DIP2A: variants seen among roughly 807,000 people sequenced by gnomAD.
The protein encoded by DIP2A is disco-interacting protein 2 homolog A.
In DIP2A, 85 loss-of-function variants were observed where a neutral mutation model predicts 177.4. That is an observed-to-expected ratio of 0.48 (90% CI 0.40 to 0.57). The LOEUF (loss-of-function observed/expected upper bound fraction) is 0.57, where lower values mean the gene tolerates loss of function less well. Ranked by LOEUF, DIP2A falls within the 20% of genes least tolerant of loss-of-function variation. DIP2A has a pLI of 0.00. For missense variants in DIP2A, 1,791 were observed against 2,100.2 expected (o/e 0.85, Z 2.88); for synonymous variants, 886 against 881.8 (o/e 1.00, Z -0.08).
At chr21:46,558,503 C>A in intron 32 of DIP2A, 110 bp downstream of exon 32, 2 of 1,095,170 alleles carry the variant, frequency 1.8e-6, no homozygotes, top group Non-Finnish European at 2.6e-6. Flanking sequence ...ATTTCTCCTT[C>A]TCTGGGCCTT....
At chr21:46,549,237 T>C (rs918691918) in intron 21 of DIP2A, among the ~76,000 whole-genome samples, 2 of 152,110 alleles carry the variant, frequency 1.3e-5, no homozygotes, top group African/African-American at 4.8e-5. Context: ...CATGATGGGT[T>C]TGGTGGGGAG....
chr21:46,497,241 A>G lies in DIP2A; in HGVS notation c.403+134A>G, dbSNP rs2057408301. ...GATTGGACGCATTTGGAGATTAAAA[A>G]TGTTTGCATATGCTCGTATTCCTTA... On this transcript the variant is annotated intron_variant, in intron 4 of 37. Transcript: ENST00000417564. 3 of 1,098,042 alleles carry G rather than the reference A, an allele frequency of 2.7e-6. No homozygotes were observed. The African/African-American group carries it at 4.9e-5, about 18-fold the overall frequency. The allele number at this position is 1,098,042 out of a possible 1,614,324, so 68.0% of individuals were successfully genotyped here. A position where few individuals can be genotyped will look rare whatever the true frequency, so the allele number is the denominator to read the frequency against.
rs17373180 is a variant in DIP2A, at chr21:46,477,224, T to G, written c.92-7533T>G. On this transcript the variant is annotated intron_variant, in intron 1 of 37. Coordinates refer to ENST00000417564, the MANE Select transcript of DIP2A (RefSeq NM_015151.4). ...AGGAAGCACGTGCCCTTTTTCCTAATAGAATATCAAAACTAAAGATTTATA... is the reference window on the plus strand; with the variant it reads ...AGGAAGCACGTGCCCTTTTTCCTAAGAGAATATCAAAACTAAAGATTTATA... 5.9e-3 allele frequency among the ~76,000 whole-genome samples: 893 copies of G among 152,134 alleles called. 3 individuals carry two copies. Among genetic ancestry groups the G allele is most frequent in the Middle Eastern group, 0.01 (3 of 294 alleles).
Position 46,550,582 on chromosome 21 carries a change from G to A in DIP2A, c.2677G>A (p.Ala893Thr). The change falls in exon 23 of 38, where the codon GCC (alanine) becomes ACC (threonine). Residue 893 changes from alanine to threonine, a missense_variant. By Grantham distance (58) the Ala-to-Thr change is moderately conservative (BLOSUM62 0). Transcript: ENST00000417564. ...CCACCAGGTGGGCGTGTACTGTCTG[G>A]CCCTGGTTCCTGCCAACACCTTGCC... ...SIHQVGVYCL[A>T]LVPANTLPKA... 3.1e-6 allele frequency: 5 copies of A among 1,613,634 alleles called. No homozygotes were observed. Among genetic ancestry groups the A allele is most frequent in the Non-Finnish European group, 4.2e-6 (5 of 1,179,788 alleles).
chr21:46,505,379 C>T lies in DIP2A; in HGVS notation c.784+890C>T, dbSNP rs150203920. ...ATCCCAGCACTTTGGGAGGCTGAGG[C>T]GGGCAGATCACTAGGTCAGGAGATC... On this transcript the variant is annotated intron_variant, in intron 6 of 37. Transcript: ENST00000417564. Among the ~76,000 whole-genome samples, 87 of 152,138 alleles carry T rather than the reference C, an allele frequency of 5.7e-4. 1 individual carries two copies. Among genetic ancestry groups the T allele is most frequent in the African/African-American group, 1.2e-3 (50 of 41,500 alleles).
rs772131467 is a variant in DIP2A at position 46,509,392 on chromosome 21, C to G, written c.904+16C>G. 6.3e-7 allele frequency: 1 copy of G among 1,595,810 alleles called. No individual in the cohort carries two copies. Among genetic ancestry groups the G allele is most frequent in the Non-Finnish European group, 8.5e-7 (1 of 1,172,738 alleles). ...TTGTTGGAAGGTAAGAGTTGTCCAA[C>G]TTTGAGCTTTTCTGTTTGTATGAAA... On this transcript the variant is annotated intron_variant, in intron 7 of 37. Transcript: ENST00000417564.
At position 46,556,682 on chromosome 21, in the gene DIP2A, CAAAAAAA is replaced by C. The variant is rs1246910364; in HGVS notation, c.3499-249_3499-243del. ...TGGGCGACAGAGCAAGACTCTGCCT[CAAAAAAA>C]AAAAAAAGAAAAAAATTTTAAAAAT... is the stretch of plus-strand genomic sequence containing the variant. On this transcript the variant is annotated intron_variant, in intron 29 of 37. Coordinates refer to ENST00000417564, the MANE Select transcript of DIP2A (RefSeq NM_015151.4). The surrounding 1 kb of genome is among the most constrained non-coding windows in gnomAD (Gnocchi z 4.5). 4 of 230,940 alleles carry C rather than the reference CAAAAAAA, an allele frequency of 1.7e-5. No individual in the cohort carries two copies. Among genetic ancestry groups the C allele is most frequent in the Non-Finnish European group, 3.0e-5 (4 of 131,904 alleles). 14.3% of individuals were successfully genotyped at this position (230,940 alleles called of 1,614,324 possible).
rs965474957 is a variant in DIP2A at position 46,479,218 on chromosome 21, T to G, written c.92-5539T>G. On this transcript the variant is annotated intron_variant, in intron 1 of 37. Transcript: ENST00000417564. Reference sequence around the variant, plus strand: ...AGCTACTTGGTGATTACTTTTTGACTTCACTTGGCCCTCAGTTCTTCACTT... The same window carrying G: ...AGCTACTTGGTGATTACTTTTTGACGTCACTTGGCCCTCAGTTCTTCACTT... Among the ~76,000 whole-genome samples the G allele has an allele frequency of 3.3e-5, 5 of 152,342 alleles. No homozygotes were observed. The Middle Eastern group carries it at 0.01, about 311-fold the overall frequency.
chr21:46,565,731 C>G lies in DIP2A; in HGVS notation c.4183C>G (p.His1395Asp), dbSNP rs1242474040. Reference protein sequence around the residue: ...HLGEIWVSSPHNATGYYTVYG... With the variant: ...HLGEIWVSSPDNATGYYTVYG... ...CCACCAGATCTGGGTAAGCAGCCCC[C>G]ACAATGCCACCGGGTACTACACCGT... is the stretch of plus-strand genomic sequence containing the variant. The change falls in exon 36 of 38, where the codon CAC (histidine) becomes GAC (aspartate). Residue 1395 changes from histidine (H) to aspartate (D), a missense_variant. Coordinates refer to ENST00000417564, the MANE Select transcript of DIP2A (RefSeq NM_015151.4). 3 of 1,613,126 alleles carry G rather than the reference C, an allele frequency of 1.9e-6. No individual in the cohort carries two copies. The highest frequency in any genetic ancestry group is 1.1e-5 in the South Asian group (1 of 91,022).
Position 46,546,957 on chromosome 21 carries a change from GT to G in DIP2A, c.2438del (p.Val813AlafsTer22). 1 of 1,613,950 alleles carries G rather than the reference GT, an allele frequency of 6.2e-7. No individual in the cohort carries two copies. The highest frequency in any genetic ancestry group is 8.5e-7 in the Non-Finnish European group (1 of 1,179,878). On this transcript the variant is annotated frameshift_variant, in exon 21 of 38. Transcript: ENST00000417564. LOFTEE classifies it high-confidence loss of function. ...FIVGKLDGLM[V>X]TGVRRHNADD... ...CGTGGGCAAACTGGACGGGCTGATG[GT>G]CACTGGAGTTCGCAGACACAATGCA...
chr21:46,492,346 C>G (rs1053618597), intron 3 of DIP2A, among the ~76,000 whole-genome samples: 14 of 152,256 alleles, frequency 9.2e-5, no homozygotes, highest in Admixed American at 9.2e-4. Context: ...TTCTATTGAT[C>G]TATTCGTCTG....
intron 1 of DIP2A, among the ~76,000 whole-genome samples, chr21:46,464,731 A>G (rs2054639387): frequency 6.6e-6 from 1 of 151,494 alleles, no homozygotes; most frequent in Admixed American, 6.6e-5. Context: ...TAACAGCATT[A>G]ATCCACTGAT....
chr21:46,562,789 C>T (rs1045089829), intron 34 of DIP2A, among the ~76,000 whole-genome samples: 21 of 152,130 alleles, frequency 1.4e-4, no homozygotes, highest in African/African-American at 4.6e-4. Context: ...AGAGTGGAGT[C>T]GGGTGAGCTT....
At chr21:46,518,673 A>G (rs2058690119) in intron 8 of DIP2A, among the ~76,000 whole-genome samples, 1 of 152,196 alleles carries the variant, frequency 6.6e-6, no homozygotes, top group African/African-American at 2.4e-5. Context: ...CCTGGCCAAC[A>G]TGGCAAAAGC....
At chr21:46,512,385 G>A (rs1303533722) in intron 8 of DIP2A, among the ~76,000 whole-genome samples, 1 of 152,202 alleles carries the variant, frequency 6.6e-6, no homozygotes, top group Non-Finnish European at 1.5e-5. Flanking sequence ...TCCAAAGGCA[G>A]TGCAGCAGTT....
the DIP2A span, among the ~76,000 whole-genome samples, chr21:46,576,697 C>T: frequency 6.6e-6 from 1 of 152,272 alleles, no homozygotes; most frequent in East Asian, 1.9e-4. Context: ...GAGAAATTGC[C>T]ACACTGTCTT....
intron 28 of DIP2A, among the ~76,000 whole-genome samples, 175 bp downstream of exon 28, chr21:46,555,108 G>A (rs560199214): frequency 2.0e-5 from 3 of 152,330 alleles, no homozygotes; most frequent in East Asian, 1.9e-4. Context: ...CCTGTCCCAT[G>A]TGTAAACCCA....
Position 46,569,774 on chromosome 21 carries a change from C to CTT in DIP2A, c.*2158_*2159dup, listed in dbSNP as rs57763214. On this transcript the variant is annotated 3_prime_UTR_variant, in exon 38 of 38. Transcript: ENST00000417564. ...CCCGAATAGGTTGTATCTTATTTTG[C>CTT]TTTTTTTCTGACTATAAAAGCAGTT... 6.6e-6 allele frequency: 1 copy of CTT among 151,918 alleles called. No individual in the cohort carries two copies. Among genetic ancestry groups the CTT allele is most frequent in the African/African-American group, 2.4e-5 (1 of 41,338 alleles). 9.4% of individuals were successfully genotyped at this position (151,918 alleles called of 1,614,324 possible).
intron 36 of DIP2A, 100 bp downstream of exon 36, chr21:46,565,987 G>A: frequency 1.5e-6 from 2 of 1,372,650 alleles, no homozygotes; most frequent in Admixed American, 4.0e-5. Context: ...TCCTTGCTGT[G>A]GTCTGGTATT....
Sources: allele counts gnomAD v4.1 joint callset (sites outside exome capture counted in the v4.1 genomes callset), GRCh38; gene constraint gnomAD v4.1.1; non-coding constraint Gnocchi (gnomAD v3.1); transcripts MANE v1.5; gene names NCBI Gene and HGNC (gene_info 2026-07-23, HGNC 2026-07-21).